The following GBE1 variants were observed in gnomAD, a reference collection of about 807,000 sequenced individuals.
GBE1 encodes the protein 1,4-alpha-glucan branching enzyme 1.
Under a neutral mutation model 88.8 loss-of-function variants are expected in GBE1, and 70 were observed. That is an observed-to-expected ratio of 0.79 (90% confidence interval 0.65 to 0.96). The LOEUF (loss-of-function observed/expected upper bound fraction) is 0.96, where lower values mean the gene tolerates loss of function less well. Ranked by LOEUF, GBE1 falls within the 40% of genes least tolerant of loss-of-function variation. The pLI is 0.00. For missense variants in GBE1, 872 were observed against 871.0 expected (o/e 1.00, Z -0.01); for synonymous variants, 284 against 300.1 (o/e 0.95, Z 0.56).
chr3:81,728,354 A>G (rs1706140141), intron 1 of GBE1, among the ~76,000 whole-genome samples: 1 of 152,182 alleles, frequency 6.6e-6, no homozygotes, highest in Non-Finnish European at 1.5e-5. Context: ...GAACTATAAT[A>G]ATGCAAAAAA....
intron 14 of GBE1, among the ~76,000 whole-genome samples, chr3:81,532,287 T>C (rs1703020686): frequency 6.6e-6 from 1 of 152,018 alleles, no homozygotes; most frequent in African/African-American, 2.4e-5. Context: ...TGGAGAGTTC[T>C]ATTCAACCAT....
At chr3:81,517,399 C>T (rs560205699) in intron 14 of GBE1, among the ~76,000 whole-genome samples, 1 of 151,308 alleles carries the variant, frequency 6.6e-6, no homozygotes, top group Non-Finnish European at 1.5e-5. Context: ...AACATAACTT[C>T]TATATGTATT....
rs191283723 is a variant in GBE1, at chr3:81,733,684, C to T, written c.143+27691G>A. 1.8e-4 allele frequency among the ~76,000 whole-genome samples: 28 copies of T among 152,294 alleles called. No individual in the cohort carries two copies. In the East Asian group the frequency reaches 2.9e-3, roughly 16 times the overall value. ...ACGCCTATTTAAAACTGCCCCTCCA[C>T]ACTCAATTCCCGTTTTTATTATATT... On this transcript the variant is annotated intron_variant, in intron 1 of 15. Transcript: ENST00000429644. The surrounding 1 kb of genome is among the most constrained non-coding windows in gnomAD (Gnocchi z 4.0).
At chr3:81,632,088 T>C (rs1704521543) in intron 7 of GBE1, among the ~76,000 whole-genome samples, 1 of 152,190 alleles carries the variant, frequency 6.6e-6, no homozygotes. Flanking sequence ...GTTAGTTTGC[T>C]GAGAATGACG....
intron 5 of GBE1, among the ~76,000 whole-genome samples, chr3:81,648,473 T>C (rs1704799029): frequency 6.6e-6 from 1 of 152,054 alleles, no homozygotes; most frequent in East Asian, 1.9e-4. Context: ...TGAGTTCCGG[T>C]CACATTACAG....
chr3:81,638,757 G>A (rs74913463), intron 7 of GBE1, among the ~76,000 whole-genome samples: 243 of 152,182 alleles, frequency 1.6e-3, no homozygotes, highest in Non-Finnish European at 2.2e-3. Flanking sequence ...AGGATCTCTG[G>A]TATTACTCAG....
intron 2 of GBE1, among the ~76,000 whole-genome samples, chr3:81,687,617 G>A (rs186228218): frequency 2.6e-5 from 4 of 152,232 alleles, no homozygotes; most frequent in African/African-American, 7.2e-5. Flanking sequence ...GTGTGCAAAT[G>A]ATTTCTGTGG....
At chr3:81,732,847 A>G (rs1706208151) in intron 1 of GBE1, among the ~76,000 whole-genome samples, 1 of 152,086 alleles carries the variant, frequency 6.6e-6, no homozygotes, top group Admixed American at 6.6e-5. Context: ...AAAGCTAACC[A>G]AAGTCTTTAC....
intron 3 of GBE1, chr3:81,650,127 C>A (rs763933352): frequency 7.9e-6 from 3 of 377,732 alleles, no homozygotes; most frequent in Non-Finnish European, 1.4e-5. Context: ...AAAGTAACTT[C>A]CAGCTTGAAC....
intron 7 of GBE1, among the ~76,000 whole-genome samples, chr3:81,626,024 G>A (rs1704409777): frequency 6.6e-6 from 1 of 152,142 alleles, no homozygotes; most frequent in Non-Finnish European, 1.5e-5. Context: ...TAACTTGTAT[G>A]TTGTAAATAA....
chr3:81,587,867 C>T (rs1459814838), intron 9 of GBE1, among the ~76,000 whole-genome samples: 2 of 152,148 alleles, frequency 1.3e-5, no homozygotes, highest in Non-Finnish European at 2.9e-5. Context: ...TAGTTGTGAT[C>T]ATTAACTAAA....
chr3:81,599,194 T>G (rs566118395), intron 7 of GBE1, among the ~76,000 whole-genome samples: 1 of 152,254 alleles, frequency 6.6e-6, no homozygotes, highest in Non-Finnish European at 1.5e-5. Flanking sequence ...AATTTCCAAG[T>G]CATGTTCTTC....
At chr3:81,642,256 G>C (rs1425328541) in intron 7 of GBE1, among the ~76,000 whole-genome samples, 1 of 151,982 alleles carries the variant, frequency 6.6e-6, no homozygotes, top group Admixed American at 6.6e-5. Flanking sequence ...TTGCTGTGCA[G>C]ATTAAATAAG....
chr3:81,623,366 T>C (rs1704359353), intron 7 of GBE1, among the ~76,000 whole-genome samples: 1 of 152,200 alleles, frequency 6.6e-6, no homozygotes, highest in Non-Finnish European at 1.5e-5. Context: ...AAATATCACC[T>C]TTTCAGAACG....
At chr3:81,666,444 T>C (rs1483872278) in intron 3 of GBE1, among the ~76,000 whole-genome samples, 1 of 152,184 alleles carries the variant, frequency 6.6e-6, no homozygotes, top group East Asian at 1.9e-4. Context: ...TAAAGGCATT[T>C]CAAATATCAA....
intron 15 of GBE1, among the ~76,000 whole-genome samples, chr3:81,493,321 A>G (rs1702460322): frequency 1.3e-5 from 2 of 152,144 alleles, no homozygotes; most frequent in Admixed American, 1.3e-4. Flanking sequence ...AGACAGGCCT[A>G]GGATAAATAA....
intron 10 of GBE1, among the ~76,000 whole-genome samples, chr3:81,581,800 A>G (rs79197934): frequency 6.6e-6 from 1 of 152,176 alleles, no homozygotes; most frequent in African/African-American, 2.4e-5. Flanking sequence ...TTGTGTCTGC[A>G]TTTCAATTTC....
chr3:81,684,703 A>AT (rs1245682924), intron 2 of GBE1, among the ~76,000 whole-genome samples: 1 of 152,226 alleles, frequency 6.6e-6, no homozygotes, highest in African/African-American at 2.4e-5. Flanking sequence ...CCTCTCAATT[A>AT]AAGCCATCCT....
At chr3:81,647,016 G>A (rs1375709795) in intron 5 of GBE1, among the ~76,000 whole-genome samples, 9 of 149,646 alleles carry the variant, frequency 6.0e-5, no homozygotes, top group Non-Finnish European at 1.0e-4. Context: ...CAGTGCAGTG[G>A]CTTGATCTCA....
Sources: allele counts gnomAD v4.1 joint callset (sites outside exome capture counted in the v4.1 genomes callset), GRCh38; gene constraint gnomAD v4.1.1; non-coding constraint Gnocchi (gnomAD v3.1); transcripts MANE v1.5; gene names NCBI Gene and HGNC (gene_info 2026-07-23, HGNC 2026-07-21).